Variants in PEBP4 observed in about 807,000 individuals in gnomAD.
PEBP4 encodes phosphatidylethanolamine binding protein 4.
A neutral mutation model predicts 23.9 loss-of-function variants in PEBP4; 22 were observed. The ratio of observed to expected loss-of-function variants is 0.92; its 90% confidence interval spans 0.66 to 1.31. PEBP4 has a LOEUF of 1.31. Among genes scored for constraint, PEBP4 ranks in the 40% most tolerant of loss-of-function variants. PEBP4 has a pLI of 0.00. For missense variants in PEBP4, 324 were observed against 281.7 expected, an observed-to-expected ratio of 1.15 and a Z score of -1.07; for synonymous variants, 112 against 99.3, an observed-to-expected ratio of 1.13 and a Z score of -0.76.
chr8:22,739,580 T>C (rs367868992), intron 4 of PEBP4, among the ~76,000 whole-genome samples: 103 of 152,248 alleles, frequency 6.8e-4, no homozygotes, highest in African/African-American at 2.3e-3. Flanking sequence ...TCCATCTGGC[T>C]TGGGGAGTGG....
rs577607255 is a variant in PEBP4 at position 22,872,198 on chromosome 8, A to T, written c.258+47986T>A. Among the ~76,000 whole-genome samples, 127 of 152,292 alleles carry T rather than the reference A, an allele frequency of 8.3e-4. 1 individual carries two copies. The Middle Eastern group carries it at 0.01, about 12-fold the overall frequency. On this transcript the variant is annotated intron_variant, in intron 3 of 6. Coordinates refer to ENST00000256404, the MANE Select transcript of PEBP4 (RefSeq NM_144962.3). The stretch of plus-strand genomic sequence containing the variant: ...TTGGCCTATAACATTCTTATGATAT[A>T]TGTATGAAATCAAGTAGCTTGAAAA...
chr8:22,837,576 G>A (rs1008708891), intron 3 of PEBP4, among the ~76,000 whole-genome samples: 2 of 152,170 alleles, frequency 1.3e-5, no homozygotes, highest in African/African-American at 4.8e-5. Context: ...AGCCTGCCCA[G>A]GGGACTCCAT....
intron 3 of PEBP4, among the ~76,000 whole-genome samples, chr8:22,854,700 T>G (rs1189799258): frequency 6.6e-6 from 1 of 152,180 alleles, no homozygotes; most frequent in African/African-American, 2.4e-5. Flanking sequence ...AAATGTGCAT[T>G]GACGTAATTA....
chr8:22,786,200 A>G (rs1219267818), intron 4 of PEBP4, among the ~76,000 whole-genome samples: 1 of 152,192 alleles, frequency 6.6e-6, no homozygotes, highest in Non-Finnish European at 1.5e-5. Flanking sequence ...GAACACTCTA[A>G]TACATTATGT....
intron 1 of PEBP4, among the ~76,000 whole-genome samples, chr8:22,937,774 C>A (rs867039987): frequency 7.1e-6 from 1 of 141,332 alleles, no homozygotes; most frequent in African/African-American, 2.7e-5. Context: ...AGAAATAAAC[C>A]CTCATATGTG....
intron 3 of PEBP4, among the ~76,000 whole-genome samples, chr8:22,824,229 G>A (rs952095955): frequency 7.2e-4 from 109 of 152,220 alleles, no homozygotes; most frequent in East Asian, 1.7e-3. Context: ...GCAATAAAAT[G>A]CATTGCTTTT....
At chr8:22,852,516 G>T in intron 3 of PEBP4, among the ~76,000 whole-genome samples, 1 of 152,088 alleles carries the variant, frequency 6.6e-6, no homozygotes. Context: ...CTAGTCGTTG[G>T]TAAATGAACA....
chr8:22,916,210 A>G (rs1563260010), intron 3 of PEBP4, among the ~76,000 whole-genome samples: 1 of 152,216 alleles, frequency 6.6e-6, no homozygotes, highest in East Asian at 1.9e-4. Flanking sequence ...CTGCACTTCA[A>G]AAGGATTCCA....
At chr8:22,850,111 T>C (rs1807519805) in intron 3 of PEBP4, among the ~76,000 whole-genome samples, 1 of 150,256 alleles carries the variant, frequency 6.7e-6, no homozygotes, top group Non-Finnish European at 1.5e-5. Context: ...TCCTACTCTT[T>C]AAGAAAAAAA....
At chr8:22,896,719 C>A (rs1332794931) in intron 3 of PEBP4, among the ~76,000 whole-genome samples, 1 of 152,134 alleles carries the variant, frequency 6.6e-6, no homozygotes, top group Non-Finnish European at 1.5e-5. Flanking sequence ...TGCAAGGTGA[C>A]AACTTATGAT....
chr8:22,846,719 C>T (rs1024681459), intron 3 of PEBP4, among the ~76,000 whole-genome samples: 1 of 152,216 alleles, frequency 6.6e-6, no homozygotes, highest in African/African-American at 2.4e-5. Flanking sequence ...TCCCTGCCCA[C>T]ATCTACCATG....
chr8:22,808,741 A>C (rs968200356), intron 4 of PEBP4, among the ~76,000 whole-genome samples: 1 of 152,228 alleles, frequency 6.6e-6, no homozygotes, highest in Non-Finnish European at 1.5e-5. Flanking sequence ...TAAACCATTG[A>C]GTATTGCTCT....
intron 3 of PEBP4, chr8:22,896,102 A>G (rs533855140): frequency 6.6e-6 from 1 of 152,390 alleles, no homozygotes; most frequent in Non-Finnish European, 1.5e-5. Flanking sequence ...CCTTGCATCA[A>G]GTAAGAAAAG....
intron 3 of PEBP4, among the ~76,000 whole-genome samples, chr8:22,883,122 C>T (rs529007012): frequency 9.8e-5 from 15 of 152,322 alleles, no homozygotes; most frequent in Middle Eastern, 3.4e-3. Context: ...TAAAACAAAT[C>T]CCCGACACCA....
At chr8:22,803,589 G>A (rs982097234) in intron 4 of PEBP4, among the ~76,000 whole-genome samples, 1 of 152,088 alleles carries the variant, frequency 6.6e-6, no homozygotes, top group African/African-American at 2.4e-5. Flanking sequence ...GCTTGAACCC[G>A]GGAGGCAGGG....
chr8:22,834,174 T>G (rs1170239802), intron 3 of PEBP4, among the ~76,000 whole-genome samples: 1 of 152,236 alleles, frequency 6.6e-6, no homozygotes, highest in East Asian at 1.9e-4. Flanking sequence ...CGTGATGATG[T>G]TGGTTGCCAT....
intron 3 of PEBP4, among the ~76,000 whole-genome samples, chr8:22,904,551 A>T (rs1808772615): frequency 6.6e-6 from 1 of 152,178 alleles, no homozygotes; most frequent in Admixed American, 6.5e-5. Context: ...AGTAATACAC[A>T]TTCATTGGAG....
At chr8:22,851,261 A>G (rs932945165) in intron 3 of PEBP4, among the ~76,000 whole-genome samples, 1 of 152,150 alleles carries the variant, frequency 6.6e-6, no homozygotes, top group African/African-American at 2.4e-5. Flanking sequence ...AAAGACCCGG[A>G]GCCCAAAGCC....
chr8:22,809,868 CTG>C (rs1478329815), intron 4 of PEBP4, among the ~76,000 whole-genome samples: 1 of 152,238 alleles, frequency 6.6e-6, no homozygotes, highest in Non-Finnish European at 1.5e-5. Flanking sequence ...GGTGGAGACA[CTG>C]TGGGAGATGC....
Sources: allele counts gnomAD v4.1 joint callset (sites outside exome capture counted in the v4.1 genomes callset), GRCh38; gene constraint gnomAD v4.1.1; transcripts MANE v1.5; gene names NCBI Gene and HGNC (gene_info 2026-07-23, HGNC 2026-07-21).